The following UBE2V1 variants were observed in gnomAD, a reference collection of about 807,000 sequenced individuals.
The protein encoded by UBE2V1 is ubiquitin-conjugating enzyme E2 variant 1.
In UBE2V1, 15 loss-of-function variants were observed where a neutral mutation model predicts 19.6. That is an observed-to-expected ratio of 0.77 (90% CI 0.51 to 1.18). The LOEUF is 1.18. UBE2V1 is among the 50% of genes most tolerant of loss of function. The pLI is 0.00. For missense variants in UBE2V1, 125 were observed against 184.8 expected (o/e 0.68, Z 1.88); for synonymous variants, 60 against 60.7 (o/e 0.99, Z 0.05).
chr20:50,111,033 G>A (rs2080717456), intron 1 of UBE2V1, among the ~76,000 whole-genome samples: 1 of 152,156 alleles, frequency 6.6e-6, no homozygotes, highest in Non-Finnish European at 1.5e-5. Flanking sequence ...CTCCTTAACA[G>A]CCTTCTCTCC....
intron 3 of UBE2V1, chr20:50,083,746 C>G (rs2078750018): frequency 6.4e-6 from 1 of 156,906 alleles, no homozygotes; most frequent in Admixed American, 6.5e-5. Context: ...AATAAAAAAG[C>G]AAGGCCATTA....
upstream of UBE2V1, among the ~76,000 whole-genome samples, chr20:50,115,283 C>G (rs116832433): frequency 0.018 from 2,769 of 152,296 alleles, 74 homozygotes; most frequent in African/African-American, 0.062. Context: ...AAGCCTTCCT[C>G]GATTCCTCCA....
At chr20:50,087,006 G>A (rs2078953926) in intron 2 of UBE2V1, among the ~76,000 whole-genome samples, 1 of 152,192 alleles carries the variant, frequency 6.6e-6, no homozygotes, top group East Asian at 1.9e-4. Context: ...GAACCCGGGA[G>A]GTGGAGCTTG....
intron 1 of UBE2V1, among the ~76,000 whole-genome samples, chr20:50,104,655 C>CTAA (rs2080243001): frequency 1.4e-5 from 1 of 71,618 alleles, no homozygotes; most frequent in Admixed American, 1.9e-4. Flanking sequence ...GACTCTGGCA[C>CTAA]AAAAAAAAAA....
chr20:50,094,508 T>A (rs1424137514), intron 2 of UBE2V1, among the ~76,000 whole-genome samples: 1 of 151,608 alleles, frequency 6.6e-6, no homozygotes, highest in Non-Finnish European at 1.5e-5. Context: ...AAAAACAAAA[T>A]ATGGCGTATC....
intron 2 of UBE2V1, 170 bp downstream of exon 2, chr20:50,096,502 G>C (rs757182916): frequency 6.6e-7 from 1 of 1,518,646 alleles, no homozygotes; most frequent in African/African-American, 1.4e-5. Flanking sequence ...GGGTTAAACA[G>C]CATCAGAGGA....
chr20:50,108,466 G>T, intron 1 of UBE2V1, among the ~76,000 whole-genome samples: 1 of 152,180 alleles, frequency 6.6e-6, no homozygotes, highest in Non-Finnish European at 1.5e-5. Context: ...ATGGGGGCTG[G>T]AAGAACGATC....
intron 2 of UBE2V1, among the ~76,000 whole-genome samples, chr20:50,091,891 C>T (rs1046195594): frequency 1.3e-5 from 2 of 152,166 alleles, no homozygotes; most frequent in African/African-American, 4.8e-5. Flanking sequence ...AAGTTTCATT[C>T]GATGGTGAGC....
At chr20:50,096,862 G>T in intron 1 of UBE2V1, 42 bp from the exon 2 acceptor site, 1 of 1,611,888 alleles carries the variant, frequency 6.2e-7, no homozygotes, top group South Asian at 1.1e-5. Flanking sequence ...AGCAACTCCA[G>T]GGGAACTTGT....
chr20:50,094,282 TTATATAATATATAATTA>T (rs372104624), intron 2 of UBE2V1, among the ~76,000 whole-genome samples: 92 of 141,366 alleles, frequency 6.5e-4, no homozygotes, highest in African/African-American at 2.2e-3. Context: ...ATATAATGCA[TTATATAATATATAATTA>T]TATATAATAT....
upstream of UBE2V1, chr20:50,115,182 C>T: frequency 3.5e-6 from 1 of 284,062 alleles, no homozygotes; most frequent in Non-Finnish European, 6.4e-6. Context: ...CTTTGCAAGC[C>T]CCCTGGAACA....
At chr20:50,099,949 T>C (rs1017772134) in intron 1 of UBE2V1, among the ~76,000 whole-genome samples, 2 of 151,934 alleles carry the variant, frequency 1.3e-5, no homozygotes, top group South Asian at 4.2e-4. Context: ...AATACAAGAA[T>C]TAGCTGGGCA....
At chr20:50,100,386 G>A (rs948584480) in intron 1 of UBE2V1, among the ~76,000 whole-genome samples, 12 of 150,876 alleles carry the variant, frequency 8.0e-5, no homozygotes, top group African/African-American at 2.9e-4. Flanking sequence ...AAGAGTTCAA[G>A]ATCAGCCTGG....
intron 1 of UBE2V1, among the ~76,000 whole-genome samples, chr20:50,105,941 A>T (rs1324387039): frequency 1.3e-5 from 2 of 151,950 alleles, no homozygotes; most frequent in Non-Finnish European, 2.9e-5. Flanking sequence ...CAAAAAACAA[A>T]AAAACAAAAA....
At chr20:50,113,939 G>A (rs1300806612), upstream of UBE2V1, among the ~76,000 whole-genome samples, 1 of 152,128 alleles carries the variant, frequency 6.6e-6, no homozygotes, top group Admixed American at 6.6e-5. Flanking sequence ...TAGACAGCAA[G>A]TAAATAAACA....
rs1222717251 is a variant in UBE2V1 at position 50,113,124 on chromosome 20, G to A, written c.5C>T (p.Ala2Val). 6 of 1,370,898 alleles carry A rather than the reference G, an allele frequency of 4.4e-6. No individual in the cohort carries two copies. The highest frequency in any genetic ancestry group is 5.7e-6 in the Non-Finnish European group (6 of 1,046,482). The allele number at this position is 1,370,898 out of a possible 1,614,324, so 84.9% of individuals were successfully genotyped here. The change falls in exon 1 of 4, where the codon GCA becomes GTA. Residue 2 changes from alanine (A) to valine (V), a missense_variant. Transcript: ENST00000371674. M[A>V]ATTGSGVKVP... is the part of the protein sequence containing the mutation. ...CCGCTCACCCGAGCCCGTGGTGGCT[G>A]CCATCTTGCGTCGCTCTTGCTTGAA...
chr20:50,109,070 C>T (rs1367658517), intron 1 of UBE2V1: 1 of 985,310 alleles, frequency 1.0e-6, no homozygotes, highest in African/African-American at 1.7e-5. Flanking sequence ...TGGCTCCTCC[C>T]TCAGTAATGT....
chr20:50,112,650 G>A (rs1342964043), intron 1 of UBE2V1, among the ~76,000 whole-genome samples: 1 of 152,182 alleles, frequency 6.6e-6, no homozygotes, highest in Non-Finnish European at 1.5e-5. Context: ...CATCCAGCCT[G>A]AAGGGCTTCT....
chr20:50,112,321 C>A (rs1394318235), intron 1 of UBE2V1, among the ~76,000 whole-genome samples: 1 of 152,192 alleles, frequency 6.6e-6, no homozygotes, highest in African/African-American at 2.4e-5. Flanking sequence ...CTTCCACCAA[C>A]TGCCCCACTC....
Sources: gnomAD v4.1 joint callset for allele counts (sites outside exome capture counted in the v4.1 genomes callset) on GRCh38, gnomAD v4.1.1 for gene constraint, MANE v1.5 for transcripts, NCBI Gene and HGNC (gene_info 2026-07-23, HGNC 2026-07-21) for gene names.